The following B3GALNT2 variants were observed in gnomAD, a reference collection of about 807,000 sequenced individuals.
The protein encoded by B3GALNT2 is UDP-GalNAc:beta-1,3-N-acetylgalactosaminyltransferase 2.
In B3GALNT2, 53 loss-of-function variants were observed where a neutral mutation model predicts 61.1. The observed-to-expected ratio is 0.87, with a 90% CI of 0.70 to 1.09. B3GALNT2 has a LOEUF of 1.09. Ranked by LOEUF, B3GALNT2 falls within the 50% of genes least tolerant of loss-of-function variation. B3GALNT2 has a pLI of 0.00. For synonymous variants in B3GALNT2, 223 were observed against 237.4 expected (o/e 0.94, Z 0.56); for missense variants, 544 against 623.0 (o/e 0.87, Z 1.35).
intron 4 of B3GALNT2, among the ~76,000 whole-genome samples, chr1:235,480,905 CAAAAAAAAAAAAAAAAAAAAAAAAAA>C (rs55666590): frequency 6.4e-5 from 2 of 31,138 alleles, no homozygotes; most frequent in Non-Finnish European, 1.1e-4. Context: ...GACTCTGTCT[CAAAAAAAAAAAAAAAAAAAAAAAAAA>C]AAAAAAAAAA....
Position 235,450,708 on chromosome 1 carries a change from G to A in B3GALNT2, c.1369-368C>T, listed in dbSNP as rs182843415. On this transcript the variant is annotated intron_variant, in intron 11 of 11. Transcript: ENST00000366600. Reference sequence around the variant, plus strand: ...ATTCTGATGGAATGCTTACAATATTGCAGGGACTGTACCAAGTGCTTTGTA... The same window carrying A: ...ATTCTGATGGAATGCTTACAATATTACAGGGACTGTACCAAGTGCTTTGTA... The A allele has an allele frequency of 2.9e-3, 586 of 205,220 alleles. 4 individuals carry two copies. The highest frequency in any genetic ancestry group is 0.013 in the African/African-American group (560 of 43,584). 12.7% of individuals were successfully genotyped at this position (205,220 alleles called of 1,614,324 possible).
At chr1:235,442,462 G>A (rs905419589), downstream of B3GALNT2, among the ~76,000 whole-genome samples, 3 of 151,718 alleles carry the variant, frequency 2.0e-5, no homozygotes, top group East Asian at 1.9e-4. Context: ...GAGCTACCGC[G>A]CCCTGTCAAA....
Position 235,447,499 on chromosome 1 carries a change from G to A in B3GALNT2, c.*2707C>T, listed in dbSNP as rs994426492. On this transcript the variant is annotated 3_prime_UTR_variant, in exon 12 of 12. Coordinates refer to ENST00000366600, the MANE Select transcript of B3GALNT2 (RefSeq NM_152490.5). Reference sequence around the variant, plus strand: ...ACATTCCCATGCCTGGCAGTCACTTGTGTATGTTTAATACAGTTACACATG... The same window carrying A: ...ACATTCCCATGCCTGGCAGTCACTTATGTATGTTTAATACAGTTACACATG... Among the ~76,000 whole-genome samples the A allele has an allele frequency of 3.3e-5, 5 of 152,230 alleles. No homozygotes were observed. The highest frequency in any genetic ancestry group is 1.2e-4 in the African/African-American group (5 of 41,542).
chr1:235,469,550 TA>T (rs754259334), intron 6 of B3GALNT2, among the ~76,000 whole-genome samples: 1 of 152,128 alleles, frequency 6.6e-6, no homozygotes, highest in South Asian at 2.1e-4. Flanking sequence ...TCTTATTTTC[TA>T]TTTTTTTTTG....
intron 5 of B3GALNT2, among the ~76,000 whole-genome samples, chr1:235,475,348 TCACTTGTGAC>T (rs1684226137): frequency 1.3e-5 from 2 of 152,066 alleles, no homozygotes; most frequent in Non-Finnish European, 1.5e-5. Context: ...TTGTGAAGAA[TCACTTGTGAC>T]GCCCACTGAG....
downstream of B3GALNT2, among the ~76,000 whole-genome samples, chr1:235,443,417 G>A (rs1483969383): frequency 6.6e-6 from 1 of 152,090 alleles, no homozygotes; most frequent in Non-Finnish European, 1.5e-5. Context: ...GCCCAGGCTG[G>A]TCTCGAATTC....
intron 5 of B3GALNT2, among the ~76,000 whole-genome samples, chr1:235,477,777 ACACTG>A (rs1414525315): frequency 6.6e-6 from 1 of 152,198 alleles, no homozygotes; most frequent in Non-Finnish European, 1.5e-5. Context: ...TGGTGAAGAA[ACACTG>A]CTCTTAAAGA....
chr1:235,450,111 A>G lies in B3GALNT2; in HGVS notation c.*95T>C, dbSNP rs1330303051. On this transcript the variant is annotated 3_prime_UTR_variant, in exon 12 of 12. Transcript: ENST00000366600. Reference sequence around the variant, plus strand: ...CAGTCTGGAACTCTCTTGAAAGACCATACAGTCTACTGCTAAACCCTGGGA... The same window carrying G: ...CAGTCTGGAACTCTCTTGAAAGACCGTACAGTCTACTGCTAAACCCTGGGA... 2 of 1,461,468 alleles carry G rather than the reference A, an allele frequency of 1.4e-6. No homozygotes were observed. Among genetic ancestry groups the G allele is most frequent in the Non-Finnish European group, 1.9e-6 (2 of 1,054,724 alleles). The allele number at this position is 1,461,468 out of a possible 1,614,324, so 90.5% of individuals were successfully genotyped here. A position where few individuals can be genotyped will look rare whatever the true frequency, so the allele number is the denominator to read the frequency against.
At chr1:235,498,843 C>CAAAAAAAAAAAAAAAAAAAAAAA in intron 1 of B3GALNT2, among the ~76,000 whole-genome samples, 1 of 64,116 alleles carries the variant, frequency 1.6e-5, no homozygotes, top group Non-Finnish European at 2.7e-5. Flanking sequence ...GACTCCTTCT[C>CAAAAAAAAAAAAAAAAAAAAAAA]AAAAAAAAAA....
At position 235,501,009 on chromosome 1, in the gene B3GALNT2, T is replaced by A. The variant is rs535440203; in HGVS notation, c.112+3132A>T. ...CTGTGAGCACCTTGGGAGAAGGGAC[T>A]AGGCATCCAGCACAGAATCTAACAC... On this transcript the variant is annotated intron_variant, in intron 1 of 11. Coordinates refer to ENST00000366600, the MANE Select transcript of B3GALNT2 (RefSeq NM_152490.5). 6.6e-4 allele frequency among the ~76,000 whole-genome samples: 100 copies of A among 152,358 alleles called. 1 individual carries two copies. The highest frequency in any genetic ancestry group is 2.4e-3 in the African/African-American group (98 of 41,580).
In B3GALNT2 at chr1:235,461,507, GTTTT is replaced by G. The variant is rs57611133; in HGVS notation, c.842-2725_842-2722del. ...GAAACACAGGGGTAGATGACCTCCT[GTTTT>G]TTTTTTTTTTTTTTTTTTTTTTTGA... On this transcript the variant is annotated intron_variant, in intron 7 of 11. Coordinates refer to ENST00000366600, the MANE Select transcript of B3GALNT2 (RefSeq NM_152490.5). 1.4e-4 allele frequency among the ~76,000 whole-genome samples: 9 copies of G among 63,352 alleles called. No homozygotes were observed. The East Asian group carries it at 5.3e-3, about 37-fold the overall frequency. The allele number at this position is 63,352 out of a possible 152,430, so 41.6% of individuals were successfully genotyped here.
chr1:235,504,440 G>C lies in B3GALNT2; in HGVS notation c.-188C>G, dbSNP rs1685756156. On this transcript the variant is annotated 5_prime_UTR_variant, in exon 1 of 12. Coordinates refer to ENST00000366600, the MANE Select transcript of B3GALNT2 (RefSeq NM_152490.5). ...GCTCCTCCGGTCCCTCAGACCGCGG[G>C]TGGCCGCGGCTTAGCCGGCCGAAGC... 4 of 571,262 alleles carry C rather than the reference G, an allele frequency of 7.0e-6. No individual in the cohort carries two copies. In the East Asian group the frequency reaches 1.6e-4, roughly 22 times the overall value. The allele number at this position is 571,262 out of a possible 1,614,324, so 35.4% of individuals were successfully genotyped here.
At chr1:235,445,263 G>A (rs1682171278), downstream of B3GALNT2, among the ~76,000 whole-genome samples, 2 of 152,004 alleles carry the variant, frequency 1.3e-5, no homozygotes, top group African/African-American at 4.8e-5. Context: ...CTCATACAAA[G>A]GTTCTTAATA....
chr1:235,474,532 G>C (rs543004562), intron 5 of B3GALNT2, among the ~76,000 whole-genome samples: 1 of 152,134 alleles, frequency 6.6e-6, no homozygotes, highest in Admixed American at 6.6e-5. Context: ...AAAAAATAAG[G>C]ATATAGGCTG....
chr1:235,471,831 T>A (rs111872435), intron 5 of B3GALNT2, among the ~76,000 whole-genome samples: 3,784 of 152,250 alleles, frequency 0.025, 72 homozygotes, highest in African/African-American at 0.055. Context: ...CCCGGTTAAT[T>A]TTTGGATATT....
intron 2 of B3GALNT2, among the ~76,000 whole-genome samples, chr1:235,489,920 T>G (rs1241930694): frequency 6.6e-6 from 1 of 152,220 alleles, no homozygotes; most frequent in Non-Finnish European, 1.5e-5. Context: ...TCCACTGAGA[T>G]TCCACTAATG....
the B3GALNT2 span, chr1:235,441,087 C>G: frequency 7.2e-5 from 11 of 152,674 alleles, no homozygotes; most frequent in African/African-American, 1.7e-4. Flanking sequence ...TGGCCACGCT[C>G]GGTGAATTCT....
At chr1:235,447,002 CT>C (rs1244297445), downstream of B3GALNT2, among the ~76,000 whole-genome samples, 1 of 152,078 alleles carries the variant, frequency 6.6e-6, no homozygotes. Context: ...TATGACCAAA[CT>C]TTTTGTTTCT....
chr1:235,479,805 C>A (rs920986804), intron 5 of B3GALNT2: 7 of 377,324 alleles, frequency 1.9e-5, no homozygotes, highest in African/African-American at 1.4e-4. Context: ...CTCTACTCCA[C>A]TAAATAAACT....
Sources: allele counts gnomAD v4.1 joint callset (sites outside exome capture counted in the v4.1 genomes callset), GRCh38; gene constraint gnomAD v4.1.1; transcripts MANE v1.5; gene names NCBI Gene and HGNC (gene_info 2026-07-23, HGNC 2026-07-21).